Variants in ALK observed in about 807,000 individuals in gnomAD.
The protein encoded by ALK is ALK receptor tyrosine kinase.
ALK carries 74 observed loss-of-function variants against 163.1 expected under a neutral mutation model. That is an observed-to-expected ratio of 0.45 (90% CI 0.38 to 0.55). ALK has a LOEUF of 0.55. Among genes scored for constraint, ALK ranks in the 20% least tolerant of loss-of-function variants. The pLI, the probability that ALK is intolerant of heterozygous loss-of-function variation, is 0.00. For synonymous variants in ALK, 960 were observed against 843.2 expected (o/e 1.14, Z -2.40); for missense variants, 2,063 against 2,105.3 (o/e 0.98, Z 0.39).
At chr2:29,551,063 C>G (rs1673701806) in intron 3 of ALK, among the ~76,000 whole-genome samples, 1 of 152,086 alleles carries the variant, frequency 6.6e-6, no homozygotes, top group Non-Finnish European at 1.5e-5. Flanking sequence ...CTGTGAATAT[C>G]ATACTCTTTC....
Position 29,342,774 on chromosome 2 carries a change from T to G in ALK, c.1283-14293A>C, listed in dbSNP as rs574995431. Among the ~76,000 whole-genome samples the G allele has an allele frequency of 2.0e-5, 3 of 151,598 alleles. No homozygotes were observed. In the East Asian group the frequency reaches 5.9e-4, roughly 30 times the overall value. On this transcript the variant is annotated intron_variant, in intron 5 of 28. Coordinates refer to ENST00000389048, the MANE Select transcript of ALK (RefSeq NM_004304.5). ...AATCCCCTTTCTGTTTGGTTTCCAG[T>G]GGAATCTACCGGTGTGTGAGGCACT...
At chr2:29,857,718 G>A (rs867693260) in intron 1 of ALK, among the ~76,000 whole-genome samples, 7 of 152,162 alleles carry the variant, frequency 4.6e-5, no homozygotes, top group African/African-American at 1.2e-4. Context: ...ACATACTCTC[G>A]TTAAATGAAC....
intron 1 of ALK, among the ~76,000 whole-genome samples, chr2:29,731,505 T>C (rs889231245): frequency 6.6e-6 from 1 of 152,234 alleles, no homozygotes; most frequent in African/African-American, 2.4e-5. Context: ...CAAGACTTCC[T>C]GGGTCTTGCT....
chr2:29,281,861 A>G (rs1214518712), intron 9 of ALK, among the ~76,000 whole-genome samples: 1 of 152,240 alleles, frequency 6.6e-6, no homozygotes, highest in Non-Finnish European at 1.5e-5. Flanking sequence ...AAAATGTACC[A>G]TCTCATTCAG....
At chr2:29,889,238 G>T (rs1157911624) in intron 1 of ALK, among the ~76,000 whole-genome samples, 2 of 113,510 alleles carry the variant, frequency 1.8e-5, no homozygotes, top group Non-Finnish European at 3.7e-5. Context: ...GGAAAGAAAG[G>T]AAAAATATAT....
intron 11 of ALK, among the ~76,000 whole-genome samples, chr2:29,255,088 A>G (rs972763976): frequency 3.9e-5 from 6 of 152,230 alleles, no homozygotes; most frequent in Non-Finnish European, 8.8e-5. Flanking sequence ...CCTTCAAGGC[A>G]TGGTGGTCCT....
intron 1 of ALK, among the ~76,000 whole-genome samples, chr2:29,767,755 C>G (rs966070719): frequency 2.0e-5 from 3 of 152,204 alleles, no homozygotes; most frequent in Non-Finnish European, 2.9e-5. Context: ...TCTCCCCTGC[C>G]TCCTCCCCCT....
intron 4 of ALK, among the ~76,000 whole-genome samples, chr2:29,517,121 G>A (rs1156332128): frequency 6.6e-6 from 1 of 152,194 alleles, no homozygotes; most frequent in Admixed American, 6.5e-5. Flanking sequence ...ATGAAGTTGA[G>A]GCTGTAGTGG....
rs567913965 is a variant in ALK at position 29,828,403 on chromosome 2, T to C, written c.667+91590A>G. ...GCAACCTACAGAATGGGAGAGAATT[T>C]TTGCATCTACTCATCTGACAGAGGG... On this transcript the variant is annotated intron_variant, in intron 1 of 28. Transcript: ENST00000389048. Among the ~76,000 whole-genome samples, 8 of 152,288 alleles carry C rather than the reference T, an allele frequency of 5.3e-5. No individual in the cohort carries two copies. The East Asian group carries it at 1.5e-3, about 29-fold the overall frequency.
Position 29,228,989 on chromosome 2 carries a change from G to A in ALK, c.2710C>T (p.His904Tyr), listed in dbSNP as rs1474942302. ...KSLQEGATGGHSCPQAMKKWG... is the reference protein window; with the variant it reads ...KSLQEGATGGYSCPQAMKKWG... ...TTCTTCATGGCCTGGGGGCAGGAAT[G>A]TCCTCCGGTGGCACCCTCCTGCAAA... The change falls in exon 16 of 29, where the codon CAT becomes TAT. Residue 904 changes from histidine (H) to tyrosine (Y), a missense_variant. Around this residue, in one of 5 missense-constraint regions of ALK, gnomAD observed 575 missense variants for 626.6 expected, o/e 0.92. Transcript: ENST00000389048. 1 of 1,601,590 alleles carries A rather than the reference G, an allele frequency of 6.2e-7. No individual in the cohort carries two copies. The highest frequency in any genetic ancestry group is 1.4e-5 in the African/African-American group (1 of 71,472).
rs1573084680 is a variant in ALK, at chr2:29,197,603, C to A, written c.4012G>T (p.Val1338Phe). Residue 1338 changes from valine to phenylalanine, a missense_variant, in exon 27 of 29, where the codon GTT becomes TTT. Physicochemically the swap from Val to Phe is conservative, Grantham distance 50. Coordinates refer to ENST00000389048, the MANE Select transcript of ALK (RefSeq NM_004304.5). The part of the protein sequence containing the change: ...MPYPSKSNQE[V>F]LEFVTSGGRM... The stretch of plus-strand genomic sequence containing the variant: ...CCTCCACTGGTGACAAACTCCAGAA[C>A]TTCCTGGTTGCTTTTGCTGGGGTAT... 6.2e-7 allele frequency: 1 copy of A among 1,613,992 alleles called. No homozygotes were observed. Among genetic ancestry groups the A allele is most frequent in the Non-Finnish European group, 8.5e-7 (1 of 1,180,022 alleles).
chr2:29,913,454 G>A (rs931271071), intron 1 of ALK, among the ~76,000 whole-genome samples: 1 of 152,114 alleles, frequency 6.6e-6, no homozygotes. Context: ...GTCATCACAA[G>A]GTTAAGAAAC....
intron 11 of ALK, among the ~76,000 whole-genome samples, chr2:29,267,085 T>TCA (rs1383234321): frequency 6.6e-6 from 1 of 152,078 alleles, no homozygotes; most frequent in Non-Finnish European, 1.5e-5. Flanking sequence ...TAGAAGACTC[T>TCA]CTCTCTCTCT....
chr2:29,195,060 C>T (rs903488161), intron 28 of ALK, among the ~76,000 whole-genome samples: 4 of 152,074 alleles, frequency 2.6e-5, no homozygotes, highest in South Asian at 4.1e-4. Context: ...CACGAGTGTT[C>T]GAGTTTAAAA....
rs1180509804 is a variant in ALK, at chr2:29,260,977, T to C, written c.2042-9710A>G. Among the ~76,000 whole-genome samples the C allele has an allele frequency of 2.6e-5, 4 of 152,330 alleles. No individual in the cohort carries two copies. In the East Asian group the frequency reaches 5.8e-4, roughly 22 times the overall value. The stretch of plus-strand genomic sequence containing the variant: ...ATCCCTTTCCTACTCAATATTGATT[T>C]TATCCCCAGAACTTTCTTCTCCAAG... On this transcript the variant is annotated intron_variant, in intron 11 of 28. Coordinates refer to ENST00000389048, the MANE Select transcript of ALK (RefSeq NM_004304.5).
At chr2:29,621,667 T>C (rs1420394615) in intron 3 of ALK, among the ~76,000 whole-genome samples, 1 of 152,240 alleles carries the variant, frequency 6.6e-6, no homozygotes, top group African/African-American at 2.4e-5. Context: ...TGATCTTAAA[T>C]AGCTTCTTTA....
In ALK at chr2:29,438,028, G is replaced by A. The variant is rs892207691; in HGVS notation, c.1155-54169C>T. On this transcript the variant is annotated intron_variant, in intron 4 of 28. Coordinates refer to ENST00000389048, the MANE Select transcript of ALK (RefSeq NM_004304.5). ...TAGGAATTTGCTGCAAATGGTTGAA[G>A]GCTATTCTCCCAGATTCCACCTGAC... Among the ~76,000 whole-genome samples the A allele has an allele frequency of 3.3e-5, 5 of 150,524 alleles. No homozygotes were observed. The East Asian group carries it at 5.9e-4, about 18-fold the overall frequency.
chr2:29,251,419 A>C, intron 11 of ALK, 152 bp from the exon 12 acceptor site: 1 of 771,962 alleles, frequency 1.3e-6, no homozygotes, highest in Non-Finnish European at 2.1e-6. Context: ...CCAATCAGCC[A>C]TCGAACTGGA....
chr2:29,665,887 C>G (rs190473888), intron 3 of ALK, among the ~76,000 whole-genome samples: 1 of 151,984 alleles, frequency 6.6e-6, no homozygotes, highest in African/African-American at 2.4e-5. Context: ...TACGTAAGAT[C>G]AACCTCCTCT....
Sources: allele counts gnomAD v4.1 joint callset (sites outside exome capture counted in the v4.1 genomes callset), GRCh38; gene constraint gnomAD v4.1.1; regional missense constraint gnomAD v4.1.1; transcripts MANE v1.5; gene names NCBI Gene and HGNC (gene_info 2026-07-23, HGNC 2026-07-21).